The following PTPRT variants were observed in gnomAD, a reference collection of about 807,000 sequenced individuals.
PTPRT encodes receptor-type tyrosine-protein phosphatase T.
In PTPRT, 56 loss-of-function variants were observed where a neutral mutation model predicts 176.8. The ratio of observed to expected loss-of-function variants is 0.32; its 90% CI spans 0.26 to 0.40. The LOEUF (loss-of-function observed/expected upper bound fraction) is 0.40. Ranked by LOEUF, PTPRT falls within the 10% of genes least tolerant of loss-of-function variation. PTPRT has a pLI of 1.00. For synonymous variants in PTPRT, 783 were observed against 739.0 expected (o/e 1.06, Z -0.96); for missense variants, 1,540 against 1,908.2 (o/e 0.81, Z 3.60).
chr20:42,196,278 T>C (rs992775065), intron 16 of PTPRT, among the ~76,000 whole-genome samples: 3 of 152,174 alleles, frequency 2.0e-5, no homozygotes, highest in African/African-American at 7.2e-5. Flanking sequence ...AAGCAGGGGA[T>C]CCAGTGACAA....
intron 16 of PTPRT, among the ~76,000 whole-genome samples, chr20:42,185,373 A>G (rs1415462976): frequency 1.3e-5 from 2 of 152,202 alleles, no homozygotes; most frequent in Non-Finnish European, 2.9e-5. Context: ...GAAGATCACC[A>G]GCTGATTTCT....
chr20:42,624,535 G>T (rs189354510), intron 7 of PTPRT, among the ~76,000 whole-genome samples: 1 of 152,278 alleles, frequency 6.6e-6, no homozygotes, highest in East Asian at 1.9e-4. Context: ...AGCACTTTGG[G>T]AGAAGTGTGT....
chr20:42,759,895 T>C (rs1411185295), intron 5 of PTPRT, among the ~76,000 whole-genome samples: 2 of 152,162 alleles, frequency 1.3e-5, no homozygotes, highest in Non-Finnish European at 2.9e-5. Flanking sequence ...TTGGGCTCAC[T>C]GGAAGCAGAC....
intron 1 of PTPRT, among the ~76,000 whole-genome samples, chr20:43,094,111 C>T (rs1235611148): frequency 3.1e-5 from 4 of 128,252 alleles, no homozygotes; most frequent in East Asian, 2.2e-4. Context: ...TTTTTTTTGA[C>T]GGAGTCTTGC....
chr20:43,071,541 T>C (rs2011180465), intron 1 of PTPRT, among the ~76,000 whole-genome samples: 1 of 152,072 alleles, frequency 6.6e-6, no homozygotes, highest in Non-Finnish European at 1.5e-5. Context: ...TCCCAGCACT[T>C]TGAGGGGGCC....
At chr20:42,215,505 G>A (rs923323374) in intron 15 of PTPRT, among the ~76,000 whole-genome samples, 2 of 151,958 alleles carry the variant, frequency 1.3e-5, no homozygotes, top group African/African-American at 4.8e-5. Flanking sequence ...CTTTTTCCTT[G>A]CTTTCATTTT....
chr20:43,113,759 G>C (rs993938051), intron 1 of PTPRT, among the ~76,000 whole-genome samples: 4 of 152,158 alleles, frequency 2.6e-5, no homozygotes, highest in African/African-American at 9.7e-5. Context: ...TTGGCAGGGA[G>C]GGAAGGAAAC....
At chr20:42,087,420 T>C (rs1186706679) in intron 27 of PTPRT, among the ~76,000 whole-genome samples, 3 of 143,568 alleles carry the variant, frequency 2.1e-5, no homozygotes, top group African/African-American at 7.5e-5. Flanking sequence ...ATTTTTATTT[T>C]GTGTTTTTAG....
intron 7 of PTPRT, among the ~76,000 whole-genome samples, chr20:42,504,586 C>T (rs761007801): frequency 1.2e-4 from 18 of 152,040 alleles, no homozygotes; most frequent in African/African-American, 4.3e-4. Context: ...TTACCAGTTT[C>T]CTGCTATATT....
At chr20:42,503,113 T>G (rs1346241528) in intron 7 of PTPRT, among the ~76,000 whole-genome samples, 1 of 152,028 alleles carries the variant, frequency 6.6e-6, no homozygotes, top group African/African-American at 2.4e-5. Context: ...TTTGGTGTGT[T>G]TTTTTATGCC....
At chr20:43,146,343 G>A (rs571925535) in intron 1 of PTPRT, among the ~76,000 whole-genome samples, 1 of 152,108 alleles carries the variant, frequency 6.6e-6, no homozygotes, top group Admixed American at 6.6e-5. Context: ...GAATGCTTTG[G>A]GGATTATGTC....
At chr20:42,263,500 C>G (rs1419750358) in intron 13 of PTPRT, among the ~76,000 whole-genome samples, 1 of 150,742 alleles carries the variant, frequency 6.6e-6, no homozygotes, top group East Asian at 2.0e-4. Flanking sequence ...CCTGCCTCAG[C>G]CTCCTGAGTA....
intron 7 of PTPRT, among the ~76,000 whole-genome samples, chr20:42,662,019 A>C (rs2075232355): frequency 3.3e-5 from 5 of 152,202 alleles, no homozygotes; most frequent in Admixed American, 2.6e-4. Context: ...AGCTTTGTGA[A>C]CACAGCAAAG....
In PTPRT at chr20:42,080,903, T is replaced by G; in HGVS notation, c.4302A>C (p.Ala1434=). The G allele has an allele frequency of 1.9e-6, 3 of 1,610,542 alleles. No individual in the cohort carries two copies. The highest frequency in any genetic ancestry group is 2.5e-6 in the Non-Finnish European group (3 of 1,177,414). Residue 1434 remains alanine (A), a synonymous_variant, in exon 31 of 31, where the codon GCA becomes GCC. Coordinates refer to ENST00000373187, the MANE Select transcript of PTPRT (RefSeq NM_007050.6). ...LEQYKFVYEV[A]LEYLSSF The stretch of plus-strand genomic sequence containing the variant: ...GCTAAAAGGAGCTTAAATATTCCAG[T>G]GCCACCTCGTATACAAATTTATACT...
intron 1 of PTPRT, among the ~76,000 whole-genome samples, chr20:43,145,695 A>G (rs548970886): frequency 2.0e-5 from 3 of 152,350 alleles, no homozygotes; most frequent in African/African-American, 7.2e-5. Flanking sequence ...AGGATCTGGG[A>G]CCAGATAACA....
At chr20:42,114,738 G>GC (rs1167451168) in intron 22 of PTPRT, among the ~76,000 whole-genome samples, 2 of 152,104 alleles carry the variant, frequency 1.3e-5, no homozygotes, top group Non-Finnish European at 2.9e-5. Context: ...GGATCAAAAT[G>GC]CCCCCGGTTG....
In PTPRT at chr20:43,016,022, T is replaced by C. The variant is rs1451781929; in HGVS notation, c.89-130090A>G. Among the ~76,000 whole-genome samples, 4 of 151,380 alleles carry C rather than the reference T, an allele frequency of 2.6e-5. No individual in the cohort carries two copies. In the East Asian group the frequency reaches 7.8e-4, roughly 29 times the overall value. ...AGAATTTGACCTTAGGGATCCCAGA[T>C]GGTTCCAGACCATCCCCAAGCTGAA... On this transcript the variant is annotated intron_variant, in intron 1 of 30. Coordinates refer to ENST00000373187, the MANE Select transcript of PTPRT (RefSeq NM_007050.6).
chr20:42,311,456 C>A (rs907588226), intron 12 of PTPRT, among the ~76,000 whole-genome samples: 1 of 152,180 alleles, frequency 6.6e-6, no homozygotes, highest in African/African-American at 2.4e-5. Flanking sequence ...TTGACTAAAA[C>A]TTGCAGGTAG....
chr20:42,700,776 G>C, intron 6 of PTPRT, among the ~76,000 whole-genome samples: 1 of 152,112 alleles, frequency 6.6e-6, no homozygotes, highest in Non-Finnish European at 1.5e-5. Context: ...CTAGGGGCTG[G>C]ACAAGGAGGT....
Sources: allele counts gnomAD v4.1 joint callset (sites outside exome capture counted in the v4.1 genomes callset), GRCh38; gene constraint gnomAD v4.1.1; transcripts MANE v1.5; gene names NCBI Gene and HGNC (gene_info 2026-07-23, HGNC 2026-07-21).